The following MTUS2 variants were observed in gnomAD, a reference collection of about 807,000 sequenced individuals.
The protein encoded by MTUS2 is microtubule associated scaffold protein 2, also known as microtubule-associated tumor suppressor candidate 2.
A neutral mutation model predicts 114.1 loss-of-function variants in MTUS2; 40 were observed. The observed-to-expected ratio is 0.35, with a 90% CI of 0.27 to 0.46. The LOEUF is 0.46. Ranked by LOEUF, MTUS2 falls within the 20% of genes least tolerant of loss-of-function variation. MTUS2 has a pLI of 1.00. For missense variants in MTUS2, 1,679 were observed against 1,705.4 expected (o/e 0.98, Z 0.27); for synonymous variants, 688 against 672.0 (o/e 1.02, Z -0.37).
intron 8 of MTUS2, among the ~76,000 whole-genome samples, chr13:29,377,752 A>C (rs1387295432): frequency 6.6e-6 from 1 of 152,226 alleles, no homozygotes; most frequent in Non-Finnish European, 1.5e-5. Flanking sequence ...ACTAAAGGAA[A>C]GGAAATGAAG....
In MTUS2 at chr13:29,362,107, A is replaced by G. The variant is rs1048933466; in HGVS notation, c.3117+2634A>G. Among the ~76,000 whole-genome samples the G allele has an allele frequency of 4.1e-4, 62 of 152,356 alleles. 1 individual carries two copies. The highest frequency in any genetic ancestry group is 1.4e-3 in the African/African-American group (60 of 41,590). On this transcript the variant is annotated intron_variant, in intron 8 of 15. Transcript: ENST00000612955. ...GTTTTCTCCATTTAAAATAGAATTC[A>G]TAATAACTCTTCACAAAGTCATTGT... is the stretch of plus-strand genomic sequence containing the variant.
chr13:29,233,504 T>C (rs548333561), intron 5 of MTUS2, among the ~76,000 whole-genome samples: 2 of 152,330 alleles, frequency 1.3e-5, no homozygotes, highest in South Asian at 4.1e-4. Flanking sequence ...GGTTTGGTAG[T>C]CTGAAGCACG....
chr13:29,275,617 G>A (rs1898035619), intron 5 of MTUS2, among the ~76,000 whole-genome samples: 1 of 152,076 alleles, frequency 6.6e-6, no homozygotes, highest in Admixed American at 6.6e-5. Context: ...TGAGAACATG[G>A]GAAGTTTGTC....
chr13:29,194,241 A>C (rs1243107820), intron 5 of MTUS2, among the ~76,000 whole-genome samples: 1 of 152,134 alleles, frequency 6.6e-6, no homozygotes, highest in Admixed American at 6.5e-5. Flanking sequence ...AAAATTGACA[A>C]ATGGGATCTA....
intron 5 of MTUS2, among the ~76,000 whole-genome samples, chr13:29,261,024 G>T (rs1202621311): frequency 6.6e-6 from 1 of 152,060 alleles, no homozygotes; most frequent in Non-Finnish European, 1.5e-5. Context: ...TCCTCCAGCT[G>T]TGTCTGGCAA....
chr13:29,244,669 A>T (rs1896845380), intron 5 of MTUS2, among the ~76,000 whole-genome samples: 1 of 152,132 alleles, frequency 6.6e-6, no homozygotes, highest in Non-Finnish European at 1.5e-5. Flanking sequence ...TAAAAGTAAA[A>T]GTCTGGGCCG....
chr13:29,421,646 C>G (rs992177874), intron 8 of MTUS2, among the ~76,000 whole-genome samples: 5 of 152,114 alleles, frequency 3.3e-5, no homozygotes, highest in Admixed American at 2.0e-4. Flanking sequence ...TGTGGCATAG[C>G]AAGGAGGCTG....
At chr13:29,493,577 G>A (rs779497551) in intron 12 of MTUS2, among the ~76,000 whole-genome samples, 1 of 152,186 alleles carries the variant, frequency 6.6e-6, no homozygotes, top group Non-Finnish European at 1.5e-5. Context: ...ACGTGGCACT[G>A]AGCCTGCCCC....
intron 2 of MTUS2, among the ~76,000 whole-genome samples, chr13:28,996,576 G>C (rs1303574615): frequency 6.6e-6 from 1 of 152,126 alleles, no homozygotes; most frequent in Non-Finnish European, 1.5e-5. Flanking sequence ...GAATTTCAGA[G>C]CCTGTTATCG....
chr13:29,364,745 A>AT (rs1296557718), intron 8 of MTUS2, among the ~76,000 whole-genome samples: 2 of 152,194 alleles, frequency 1.3e-5, no homozygotes, highest in Non-Finnish European at 2.9e-5. Flanking sequence ...CATTTCAGAG[A>AT]TTTTCCCACT....
At chr13:29,019,436 A>T (rs1886205157) in intron 2 of MTUS2, among the ~76,000 whole-genome samples, 1 of 152,236 alleles carries the variant, frequency 6.6e-6, no homozygotes, top group Admixed American at 6.5e-5. Flanking sequence ...CCACGATAGT[A>T]TGGGAACAAG....
intron 8 of MTUS2, among the ~76,000 whole-genome samples, chr13:29,378,352 GGCTTGAA>G (rs1481962309): frequency 1.3e-5 from 2 of 152,040 alleles, no homozygotes; most frequent in Non-Finnish European, 2.9e-5. Flanking sequence ...GGGTGTTATT[GGCTTGAA>G]ATTTACAGGA....
chr13:29,492,877 T>A (rs1350567285), intron 12 of MTUS2, among the ~76,000 whole-genome samples, 158 bp downstream of exon 12: 1 of 152,242 alleles, frequency 6.6e-6, no homozygotes, highest in Admixed American at 6.5e-5. Flanking sequence ...TTAAGAAATG[T>A]GCTGTCTGCT....
At chr13:29,219,542 T>G (rs1054367072) in intron 5 of MTUS2, among the ~76,000 whole-genome samples, 3 of 152,220 alleles carry the variant, frequency 2.0e-5, no homozygotes, top group African/African-American at 7.2e-5. Context: ...CCTGCATTCA[T>G]TTCTAACAAG....
At chr13:29,019,429 C>T (rs965882684) in intron 2 of MTUS2, among the ~76,000 whole-genome samples, 3 of 152,040 alleles carry the variant, frequency 2.0e-5, no homozygotes, top group Non-Finnish European at 4.4e-5. Flanking sequence ...AGCTTTTCCA[C>T]GATAGTATGG....
At chr13:29,097,304 G>C (rs1342143359) in intron 4 of MTUS2, among the ~76,000 whole-genome samples, 1 of 152,160 alleles carries the variant, frequency 6.6e-6, no homozygotes, top group Non-Finnish European at 1.5e-5. Context: ...AACTTTAAAT[G>C]GTGGTTGTTA....
At chr13:29,068,622 G>C (rs1207132033) in intron 4 of MTUS2, among the ~76,000 whole-genome samples, 1 of 152,172 alleles carries the variant, frequency 6.6e-6, no homozygotes, top group Non-Finnish European at 1.5e-5. Flanking sequence ...GAACATTGGA[G>C]ATGAATTCAA....
At chr13:28,908,365 C>A (rs1489566287) in intron 2 of MTUS2, among the ~76,000 whole-genome samples, 1 of 151,442 alleles carries the variant, frequency 6.6e-6, no homozygotes, top group African/African-American at 2.4e-5. Flanking sequence ...TTGTTTAATT[C>A]CCACCTATGA....
chr13:29,237,602 T>C (rs1035970450), intron 5 of MTUS2, among the ~76,000 whole-genome samples: 3 of 152,228 alleles, frequency 2.0e-5, no homozygotes, highest in East Asian at 1.9e-4. Context: ...AATAAGGGTA[T>C]GTCTGTTGTC....
Sources: gnomAD v4.1 joint callset for allele counts (sites outside exome capture counted in the v4.1 genomes callset) on GRCh38, gnomAD v4.1.1 for gene constraint, MANE v1.5 for transcripts, NCBI Gene and HGNC (gene_info 2026-07-23, HGNC 2026-07-21) for gene names.